Variants in SLC9A9 observed in about 807,000 individuals in gnomAD.
SLC9A9 encodes solute carrier family 9 member A9.
In SLC9A9, 62 loss-of-function variants were observed where a neutral mutation model predicts 77.8. The ratio of observed to expected loss-of-function variants is 0.80; its 90% CI spans 0.65 to 0.98. The LOEUF is 0.98. Ranked by LOEUF, SLC9A9 falls within the 50% of genes least tolerant of loss-of-function variation. SLC9A9 has a pLI of 0.00. For missense variants in SLC9A9, 775 were observed against 774.9 expected, an observed-to-expected ratio of 1.00 and a Z score of 0.00; for synonymous variants, 320 against 283.5, an observed-to-expected ratio of 1.13 and a Z score of -1.29.
intron 6 of SLC9A9, among the ~76,000 whole-genome samples, chr3:143,584,448 T>C (rs1247380435): frequency 3.3e-5 from 5 of 152,198 alleles, no homozygotes; most frequent in Non-Finnish European, 7.3e-5. Context: ...ATGAAATCAA[T>C]GTCGCTTGAA....
intron 5 of SLC9A9, among the ~76,000 whole-genome samples, chr3:143,667,827 C>G (rs190822813): frequency 1.8e-4 from 27 of 152,188 alleles, no homozygotes; most frequent in Admixed American, 1.2e-3. Context: ...AAAAAGTCAG[C>G]AAACAACAGA....
intron 5 of SLC9A9, among the ~76,000 whole-genome samples, chr3:143,671,891 A>G (rs1033476911): frequency 1.3e-5 from 2 of 152,212 alleles, no homozygotes; most frequent in South Asian, 2.1e-4. Flanking sequence ...TTGGAATTCA[A>G]TGAAAACATA....
intron 6 of SLC9A9, among the ~76,000 whole-genome samples, chr3:143,581,206 A>G (rs2037446275): frequency 6.6e-6 from 1 of 152,172 alleles, no homozygotes; most frequent in Non-Finnish European, 1.5e-5. Flanking sequence ...CAGGCAGTGG[A>G]AAGAGTGTAA....
intron 1 of SLC9A9, among the ~76,000 whole-genome samples, chr3:143,845,841 T>C (rs2009820142): frequency 1.3e-5 from 2 of 152,236 alleles, no homozygotes. Context: ...TCCATAATTT[T>C]TATAATCCTT....
intron 8 of SLC9A9, among the ~76,000 whole-genome samples, chr3:143,554,680 A>G (rs1316524738): frequency 1.3e-5 from 2 of 152,074 alleles, no homozygotes; most frequent in Non-Finnish European, 2.9e-5. Context: ...GTCCTGCAAG[A>G]TCTCTTCCTG....
intron 14 of SLC9A9, among the ~76,000 whole-genome samples, chr3:143,326,022 G>A (rs1368847074): frequency 2.0e-5 from 3 of 152,234 alleles, no homozygotes; most frequent in Middle Eastern, 3.4e-3. Context: ...CAAGTGCTCT[G>A]CGAAAACTTT....
Position 143,795,037 on chromosome 3 carries a change from G to T in SLC9A9, c.497C>A (p.Ala166Asp). The T allele has an allele frequency of 1.2e-6, 2 of 1,613,716 alleles. No homozygotes were observed. The highest frequency in any genetic ancestry group is 1.7e-6 in the Non-Finnish European group (2 of 1,179,898). Residue 166 changes from alanine to aspartate, a missense_variant, in exon 4 of 16, where the codon GCC becomes GAC. Transcript: ENST00000316549. ...FQNLGSILTYAFLGTAISCIV... is the reference protein window; with the variant it reads ...FQNLGSILTYDFLGTAISCIV... Reference sequence around the variant, plus strand: ...GCAGGAGATGGCAGTTCCCAAGAAGGCATACGTTAAAATAGATCCTAAGTT... The same window carrying T: ...GCAGGAGATGGCAGTTCCCAAGAAGTCATACGTTAAAATAGATCCTAAGTT...
intron 9 of SLC9A9, among the ~76,000 whole-genome samples, chr3:143,528,489 T>C: frequency 6.6e-6 from 1 of 152,152 alleles, no homozygotes; most frequent in East Asian, 1.9e-4. Context: ...GATCAACAAA[T>C]CTAAGTTTGC....
At chr3:143,745,426 A>AT (rs992780450) in intron 4 of SLC9A9, among the ~76,000 whole-genome samples, 33 of 152,246 alleles carry the variant, frequency 2.2e-4, no homozygotes, top group African/African-American at 7.5e-4. Flanking sequence ...AAGCAACACT[A>AT]TTTTTTAAGG....
At chr3:143,733,646 G>C (rs1934865305) in intron 4 of SLC9A9, among the ~76,000 whole-genome samples, 1 of 152,076 alleles carries the variant, frequency 6.6e-6, no homozygotes, top group African/African-American at 2.4e-5. Context: ...ACTCCTGGTA[G>C]AGAGACAGGC....
chr3:143,305,600 A>G (rs1418019621), intron 14 of SLC9A9, among the ~76,000 whole-genome samples: 1 of 152,232 alleles, frequency 6.6e-6, no homozygotes, highest in East Asian at 1.9e-4. Flanking sequence ...GTGAGTTGAC[A>G]GGAAGAGAGA....
At chr3:143,541,096 A>C (rs1320978461) in intron 9 of SLC9A9, among the ~76,000 whole-genome samples, 1 of 152,198 alleles carries the variant, frequency 6.6e-6, no homozygotes, top group Non-Finnish European at 1.5e-5. Context: ...TCAAAATGTA[A>C]ATGAATTAAT....
chr3:143,801,488 T>G (rs1019971796), intron 2 of SLC9A9, among the ~76,000 whole-genome samples: 2 of 152,146 alleles, frequency 1.3e-5, no homozygotes, highest in Non-Finnish European at 2.9e-5. Flanking sequence ...ACTCCCACCA[T>G]TACCATTGTT....
intron 5 of SLC9A9, among the ~76,000 whole-genome samples, chr3:143,667,551 A>G (rs2039089280): frequency 1.3e-5 from 2 of 152,240 alleles, no homozygotes; most frequent in Non-Finnish European, 2.9e-5. Context: ...GGCAACCTAC[A>G]GAATGGGAGA....
At chr3:143,335,200 G>A (rs2031887731) in intron 14 of SLC9A9, among the ~76,000 whole-genome samples, 2 of 152,100 alleles carry the variant, frequency 1.3e-5, no homozygotes, top group South Asian at 4.1e-4. Flanking sequence ...ATTTACAATA[G>A]CATCATAAAG....
chr3:143,753,787 G>A (rs1011541006), intron 4 of SLC9A9, among the ~76,000 whole-genome samples: 2 of 152,188 alleles, frequency 1.3e-5, no homozygotes, highest in Admixed American at 1.3e-4. Flanking sequence ...CCAGAGGGAT[G>A]TGTAATGCTA....
chr3:143,307,075 TTGTC>T (rs2030819701), intron 14 of SLC9A9, among the ~76,000 whole-genome samples: 1 of 152,226 alleles, frequency 6.6e-6, no homozygotes, highest in Non-Finnish European at 1.5e-5. Context: ...GTGCCATAGT[TTGTC>T]TGTTCTTTCT....
chr3:143,772,022 ATGTGTGTGTGTGTGTGTG>A (rs55750613), intron 4 of SLC9A9, among the ~76,000 whole-genome samples: 1 of 141,622 alleles, frequency 7.1e-6, no homozygotes, highest in Non-Finnish European at 1.5e-5. Context: ...CATCCCCAGA[ATGTGTGTGTGTGTGTGTG>A]TGTGTGTGTG....
At chr3:143,694,497 A>G (rs1933570350) in intron 4 of SLC9A9, among the ~76,000 whole-genome samples, 1 of 152,182 alleles carries the variant, frequency 6.6e-6, no homozygotes, top group Non-Finnish European at 1.5e-5. Flanking sequence ...GAGGCTAAAA[A>G]TAATGATCAA....
Sources: gnomAD v4.1 joint callset for allele counts (sites outside exome capture counted in the v4.1 genomes callset) on GRCh38, gnomAD v4.1.1 for gene constraint, MANE v1.5 for transcripts, NCBI Gene and HGNC (gene_info 2026-07-23, HGNC 2026-07-21) for gene names.